Variants in NT5DC3 observed in about 807,000 individuals in gnomAD.
NT5DC3 encodes 5'-nucleotidase domain-containing protein 3.
NT5DC3 carries 42 observed loss-of-function variants against 67.8 expected under a neutral mutation model. The ratio of observed to expected loss-of-function variants is 0.62; its 90% CI spans 0.48 to 0.80. NT5DC3 has a LOEUF of 0.80. NT5DC3 is among the 30% of genes least tolerant of loss of function. NT5DC3 has a pLI of 0.00. For missense variants in NT5DC3, 570 were observed against 696.4 expected (o/e 0.82, Z 2.04); for synonymous variants, 237 against 255.6 (o/e 0.93, Z 0.69).
intron 1 of NT5DC3, among the ~76,000 whole-genome samples, chr12:103,824,614 T>C (rs879826641): frequency 2.0e-5 from 3 of 152,208 alleles, no homozygotes; most frequent in East Asian, 1.9e-4. Context: ...TATAGTTTTA[T>C]TGAGGTGCAA....
intron 1 of NT5DC3, among the ~76,000 whole-genome samples, chr12:103,827,422 T>A (rs1476574220): frequency 6.6e-6 from 1 of 152,164 alleles, no homozygotes; most frequent in Non-Finnish European, 1.5e-5. Context: ...GGATCTTCAA[T>A]AATTTAAAGT....
intron 4 of NT5DC3, among the ~76,000 whole-genome samples, chr12:103,801,572 G>A (rs936241480): frequency 2.6e-5 from 4 of 151,662 alleles, no homozygotes; most frequent in Admixed American, 6.6e-5. Flanking sequence ...TAGGAGAGAC[G>A]GGGTTTCACC....
At chr12:103,803,045 A>G (rs1465960978) in intron 4 of NT5DC3, among the ~76,000 whole-genome samples, 1 of 152,154 alleles carries the variant, frequency 6.6e-6, no homozygotes, top group Non-Finnish European at 1.5e-5. Flanking sequence ...GTAAGTGTCT[A>G]TGGAGGGGGC....
At chr12:103,766,589 G>A (rs1884982019), downstream of NT5DC3, 2 of 469,200 alleles carry the variant, frequency 4.3e-6, no homozygotes, top group Non-Finnish European at 7.7e-6. Context: ...GCTCCATTCT[G>A]CCCTACATGA....
At chr12:103,764,098 C>G in the NT5DC3 span, among the ~76,000 whole-genome samples, 1 of 151,806 alleles carries the variant, frequency 6.6e-6, no homozygotes, top group Non-Finnish European at 1.5e-5. Flanking sequence ...GGATTACAGG[C>G]GCATACCACC....
At chr12:103,755,569 C>G in the NT5DC3 span, 1 of 1,612,610 alleles carries the variant, frequency 6.2e-7, no homozygotes, top group Non-Finnish European at 8.5e-7. Context: ...AGCCCTGGCC[C>G]CTGCCTTACT....
At chr12:103,756,147 A>C in the NT5DC3 span, among the ~76,000 whole-genome samples, 1 of 152,208 alleles carries the variant, frequency 6.6e-6, no homozygotes, top group Non-Finnish European at 1.5e-5. Flanking sequence ...TAGTTAGCTA[A>C]GCCTGCCTGG....
chr12:103,816,653 G>C (rs1887266303), intron 1 of NT5DC3, among the ~76,000 whole-genome samples: 1 of 152,128 alleles, frequency 6.6e-6, no homozygotes, highest in Admixed American at 6.5e-5. Context: ...ATTTCCATGA[G>C]TCCACTGGAT....
chr12:103,749,023 A>G, the NT5DC3 span: 2 of 1,614,138 alleles, frequency 1.2e-6, no homozygotes, highest in African/African-American at 2.7e-5. Flanking sequence ...TGCTCCCAGA[A>G]GGGCACGAAG....
the NT5DC3 span, among the ~76,000 whole-genome samples, chr12:103,749,841 C>CAAAAAAAAAAA: frequency 1.1e-3 from 56 of 51,158 alleles, 3 homozygotes; most frequent in African/African-American, 1.3e-3. Flanking sequence ...CTCTGTCTCA[C>CAAAAAAAAAAA]AAAAAAAAAA....
chr12:103,761,432 T>A, the NT5DC3 span: 1 of 1,609,532 alleles, frequency 6.2e-7, no homozygotes. Context: ...GGGTCCCTGA[T>A]AACGGGCCAG....
chr12:103,766,311 G>T (rs758266652), downstream of NT5DC3: 3 of 1,613,944 alleles, frequency 1.9e-6, no homozygotes, highest in Admixed American at 5.0e-5. Flanking sequence ...CAGCTTGAGG[G>T]CAATGACCCC....
the NT5DC3 span, chr12:103,753,445 C>T: frequency 1.9e-6 from 3 of 1,568,520 alleles, no homozygotes; most frequent in East Asian, 2.3e-5. Context: ...TGAGCTGTTG[C>T]CTTCAAGCAA....
At chr12:103,827,737 CA>C (rs1285304839) in intron 1 of NT5DC3, among the ~76,000 whole-genome samples, 3 of 152,198 alleles carry the variant, frequency 2.0e-5, no homozygotes, top group Non-Finnish European at 4.4e-5. Flanking sequence ...CCAGCTTGAT[CA>C]ATCAGCTAGC....
chr12:103,766,593 T>TACATGATGGGTAA (rs1213731186), downstream of NT5DC3: 7 of 456,196 alleles, frequency 1.5e-5, no homozygotes, highest in Non-Finnish European at 2.4e-5. Context: ...CATTCTGCCC[T>TACATGATGGGTAA]ACATGATGGG....
intron 11 of NT5DC3, chr12:103,785,750 GTAAAAAAAAAAA>G (rs1566100924): frequency 3.6e-6 from 1 of 278,132 alleles, no homozygotes; most frequent in Admixed American, 5.3e-5. Context: ...ACCATGGTCT[GTAAAAAAAAAAA>G]AAAAAAAAAA....
At chr12:103,782,357 G>A (rs925352248) in intron 12 of NT5DC3, among the ~76,000 whole-genome samples, 1 of 149,750 alleles carries the variant, frequency 6.7e-6, no homozygotes, top group Non-Finnish European at 1.5e-5. Flanking sequence ...AACAGAGTGA[G>A]ACTGCCTCAA....
intron 9 of NT5DC3, among the ~76,000 whole-genome samples, chr12:103,790,401 G>A (rs547682410): frequency 6.6e-6 from 1 of 152,038 alleles, no homozygotes; most frequent in South Asian, 2.1e-4. Context: ...TCAGCCTACT[G>A]AGTAGCTGGG....
At chr12:103,755,745 C>T in the NT5DC3 span, 19 of 1,610,828 alleles carry the variant, frequency 1.2e-5, no homozygotes, top group Non-Finnish European at 1.5e-5. Context: ...CTTGGTTTGC[C>T]TCAGGCAGGG....
Sources: allele counts gnomAD v4.1 joint callset (sites outside exome capture counted in the v4.1 genomes callset), GRCh38; gene constraint gnomAD v4.1.1; transcripts MANE v1.5; gene names NCBI Gene and HGNC (gene_info 2026-07-23, HGNC 2026-07-21).